Variants in ASCC2 observed in about 807,000 individuals in gnomAD.
ASCC2 encodes the protein ASC-1 complex subunit P100.
In ASCC2, 42 loss-of-function variants were observed where a neutral mutation model predicts 93.5. The ratio of observed to expected loss-of-function variants is 0.45; its 90% CI spans 0.35 to 0.58. The LOEUF (loss-of-function observed/expected upper bound fraction) is 0.58. Ranked by LOEUF, ASCC2 falls within the 20% of genes least tolerant of loss-of-function variation. ASCC2 has a pLI of 0.00. For missense variants in ASCC2, 859 were observed against 977.6 expected, an observed-to-expected ratio of 0.88 and a Z score of 1.62; for synonymous variants, 364 against 384.2, an observed-to-expected ratio of 0.95 and a Z score of 0.62.
chr22:29,794,295 C>T (rs1218448320), intron 15 of ASCC2, among the ~76,000 whole-genome samples: 1 of 151,928 alleles, frequency 6.6e-6, no homozygotes, highest in Non-Finnish European at 1.5e-5. Context: ...AGTTCAAGAC[C>T]AGCCTGACCA....
chr22:29,806,811 G>A lies in ASCC2; in HGVS notation c.1002C>T (p.Pro334=), dbSNP rs2147805411. The A allele has an allele frequency of 1.2e-6, 2 of 1,612,248 alleles. No homozygotes were observed. Among genetic ancestry groups the A allele is most frequent in the Non-Finnish European group, 8.5e-7 (1 of 1,178,262 alleles). Residue 334 remains proline, a synonymous_variant, in exon 10 of 20, where the codon CCC becomes CCT. Coordinates refer to ENST00000307790, the MANE Select transcript of ASCC2 (RefSeq NM_032204.5). ...HIILNQICLL[P]ILESSCDNIQ... Reference sequence around the variant, plus strand: ...TGAGGGCTTACCTGCTTTCTAGGATGGGAAGGAGGCAGATCTGGTTCAGGA... The same window carrying A: ...TGAGGGCTTACCTGCTTTCTAGGATAGGAAGGAGGCAGATCTGGTTCAGGA...
intron 8 of ASCC2, among the ~76,000 whole-genome samples, chr22:29,809,637 G>C (rs2060067507): frequency 2.0e-5 from 3 of 152,006 alleles, no homozygotes; most frequent in African/African-American, 7.2e-5. Flanking sequence ...AAATTAGCTA[G>C]GCATGGGGGC....
At position 29,793,645 on chromosome 22, in the gene ASCC2, G is replaced by C. The variant is rs1215148759; in HGVS notation, c.1720C>G (p.Leu574Val). Residue 574 changes from leucine to valine, a missense_variant, in exon 16 of 20, where the codon CTG becomes GTG. Transcript: ENST00000307790. ...TRKEENTRSL[L>V]NDKRAVAAQR... ...GCCGCCACTGCACGCTTGTCGTTCA[G>C]CAAACTCCGCGTGTTTTCCTCCTTC... The C allele has an allele frequency of 6.3e-7, 1 of 1,588,520 alleles. No individual in the cohort carries two copies. Among genetic ancestry groups the C allele is most frequent in the Non-Finnish European group, 8.6e-7 (1 of 1,168,282 alleles).
In ASCC2 at chr22:29,825,125, GA is replaced by G; in HGVS notation, c.372del (p.Leu125SerfsTer55). On this transcript the variant is annotated frameshift_variant, in exon 4 of 20. Transcript: ENST00000307790. LOFTEE classifies it high-confidence loss of function. The surrounding 1 kb of genome is among the most constrained non-coding windows in gnomAD (Gnocchi z 4.9). ...TGAGTGGACATGCGGAGGAAGGTGAGAAAAACACTTCGATGGAGGCGCTTCT... is the reference window on the plus strand; with the variant it reads ...TGAGTGGACATGCGGAGGAAGGTGAGAAAACACTTCGATGGAGGCGCTTCT... ...DMQKRLHRSV[F>X]LTFLRMSTHK... 2 of 1,531,206 alleles carry G rather than the reference GA, an allele frequency of 1.3e-6. No homozygotes were observed. The highest frequency in any genetic ancestry group is 1.8e-6 in the Non-Finnish European group (2 of 1,139,712). 94.9% of individuals were successfully genotyped at this position (1,531,206 alleles called of 1,614,324 possible). A position where few individuals can be genotyped will look rare whatever the true frequency, so the allele number is the denominator to read the frequency against.
At chr22:29,793,236 T>G in intron 17 of ASCC2, 124 bp downstream of exon 17, 13 of 1,359,520 alleles carry the variant, frequency 9.6e-6, no homozygotes, top group Non-Finnish European at 1.2e-5. Flanking sequence ...AGCACTGGAT[T>G]AGGAGTCAGG....
At chr22:29,820,244 C>CCT (rs750497904) in intron 5 of ASCC2, among the ~76,000 whole-genome samples, 7 of 152,008 alleles carry the variant, frequency 4.6e-5, no homozygotes, top group Non-Finnish European at 7.4e-5. Flanking sequence ...CTCACTGCAA[C>CCT]CTCTGCCTCC....
intron 18 of ASCC2, among the ~76,000 whole-genome samples, chr22:29,791,868 G>A (rs1326521570): frequency 6.6e-6 from 1 of 152,168 alleles, no homozygotes. Flanking sequence ...TCCCCACCAG[G>A]CCCCGCTACT....
intron 8 of ASCC2, among the ~76,000 whole-genome samples, chr22:29,808,953 C>T (rs1193511915): frequency 6.6e-6 from 1 of 151,760 alleles, no homozygotes; most frequent in Admixed American, 6.6e-5. Context: ...AGCCCCGTCT[C>T]TACTAAAAAT....
At chr22:29,813,660 G>A (rs935449809) in intron 7 of ASCC2, 118 bp from the exon 8 acceptor site, 2 of 698,622 alleles carry the variant, frequency 2.9e-6, no homozygotes, top group African/African-American at 1.8e-5. Flanking sequence ...TTACACAGGA[G>A]GAAAAGAACA....
At chr22:29,815,591 G>A (rs1350648198) in intron 6 of ASCC2, among the ~76,000 whole-genome samples, 1 of 152,086 alleles carries the variant, frequency 6.6e-6, no homozygotes, top group Non-Finnish European at 1.5e-5. Flanking sequence ...GGGATTATGA[G>A]GGAATGATAA....
intron 2 of ASCC2, chr22:29,827,491 T>C (rs1174695186): frequency 4.5e-6 from 2 of 448,836 alleles, no homozygotes; most frequent in Non-Finnish European, 9.2e-6. Context: ...GTTTCCAAAC[T>C]GTAGAGCCTG....
Position 29,806,295 on chromosome 22 carries a change from A to G in ASCC2, c.1086-5T>C, listed in dbSNP as rs2059667341. On this transcript the variant is annotated splice_region_variant and splice_polypyrimidine_tract_variant and intron_variant, in intron 11 of 19. Transcript: ENST00000307790. ...GCATCATAGTCCCGGAGGAACCTGC[A>G]GGCAGATGAGAGCAGATGGGATGGA... is the stretch of plus-strand genomic sequence containing the variant. The G allele has an allele frequency of 6.2e-7, 1 of 1,613,958 alleles. No homozygotes were observed. Among genetic ancestry groups the G allele is most frequent in the South Asian group, 1.1e-5 (1 of 91,082 alleles).
In ASCC2 at chr22:29,809,141, A is replaced by AAAAT. The variant is rs59722783; in HGVS notation, c.834-957_834-956insATTT. ...TGTCTCAAAAAAAAAAAAAAAAAAA[A>AAAAT]TTTAACATGAAAATCTCAACACAAT... is the stretch of plus-strand genomic sequence containing the variant. On this transcript the variant is annotated intron_variant, in intron 8 of 19. Transcript: ENST00000307790. 3.8e-4 allele frequency among the ~76,000 whole-genome samples: 54 copies of AAAAT among 141,650 alleles called. 5 individuals are homozygous for AAAAT. Among genetic ancestry groups the AAAAT allele is most frequent in the Middle Eastern group, 3.5e-3 (1 of 282 alleles). The allele number at this position is 141,650 out of a possible 152,430, so 92.9% of individuals were successfully genotyped here.
intron 15 of ASCC2, 66 bp from the exon 16 acceptor site, chr22:29,793,742 G>A: frequency 6.8e-7 from 1 of 1,462,720 alleles, no homozygotes; most frequent in South Asian, 1.2e-5. Flanking sequence ...AGGGTACGGA[G>A]GGTCCAGAGA....
chr22:29,816,360 C>T (rs2060854930), intron 5 of ASCC2, among the ~76,000 whole-genome samples: 2 of 152,200 alleles, frequency 1.3e-5, no homozygotes, highest in Non-Finnish European at 2.9e-5. Context: ...CTGGTCAAAC[C>T]AGCTCACACT....
At chr22:29,824,324 A>T (rs1344348742) in intron 4 of ASCC2, among the ~76,000 whole-genome samples, 1 of 151,846 alleles carries the variant, frequency 6.6e-6, no homozygotes, top group Non-Finnish European at 1.5e-5. Flanking sequence ...AGAAATATGC[A>T]TGTAATAGGG....
intron 13 of ASCC2, among the ~76,000 whole-genome samples, chr22:29,802,873 G>A (rs2147698425): frequency 6.6e-6 from 1 of 152,144 alleles, no homozygotes; most frequent in Non-Finnish European, 1.5e-5. Context: ...GAAGGTCGAG[G>A]CTGCAGTGAG....
intron 8 of ASCC2, among the ~76,000 whole-genome samples, chr22:29,810,791 T>C (rs911854005): frequency 7.9e-5 from 12 of 151,940 alleles, no homozygotes; most frequent in African/African-American, 2.9e-4. Flanking sequence ...AGGGCAGTGG[T>C]GCAATCCCTG....
rs1450166831 is a variant in ASCC2, at chr22:29,825,228, G to A, written c.270C>T (p.Cys90=). The change falls in exon 4 of 20, where the codon TGC becomes TGT. Residue 90 remains cysteine, a synonymous_variant. Coordinates refer to ENST00000307790, the MANE Select transcript of ASCC2 (RefSeq NM_032204.5). The surrounding 1 kb of genome is among the most constrained non-coding windows in gnomAD (Gnocchi z 4.9). Reference sequence around the variant, plus strand: ...GGACATAGCGCAGGTAGGAGTCCAGGCACTTCTGTAGAGTCTCGTCAAAGA... The same window carrying A: ...GGACATAGCGCAGGTAGGAGTCCAGACACTTCTGTAGAGTCTCGTCAAAGA... ...QVIFDETLQK[C]LDSYLRYVPR... is the part of the protein sequence containing the mutation. 1.0e-5 allele frequency: 16 copies of A among 1,536,596 alleles called. No individual in the cohort carries two copies. The highest frequency in any genetic ancestry group is 1.3e-5 in the Non-Finnish European group (15 of 1,142,224).
Sources: allele counts gnomAD v4.1 joint callset (sites outside exome capture counted in the v4.1 genomes callset), GRCh38; gene constraint gnomAD v4.1.1; non-coding constraint Gnocchi (gnomAD v3.1); transcripts MANE v1.5; gene names NCBI Gene and HGNC (gene_info 2026-07-23, HGNC 2026-07-21).